Variants in ZDHHC18 observed in about 807,000 individuals in gnomAD.
ZDHHC18 encodes the protein zDHHC palmitoyltransferase 18, also known as palmitoyltransferase ZDHHC18.
A neutral mutation model predicts 37.5 loss-of-function variants in ZDHHC18; 23 were observed. The ratio of observed to expected loss-of-function variants is 0.61; its 90% CI spans 0.44 to 0.87. ZDHHC18 has a LOEUF of 0.87. Ranked by LOEUF, ZDHHC18 falls within the 40% of genes least tolerant of loss-of-function variation. The pLI is 0.00. For synonymous variants in ZDHHC18, 185 were observed against 218.7 expected (o/e 0.85, Z 1.36); for missense variants, 406 against 525.6 (o/e 0.77, Z 2.22).
At position 26,836,965 on chromosome 1, in the gene ZDHHC18, G is replaced by C. The variant is rs1227444629; in HGVS notation, c.496+4358G>C. ...CATATACATTAAATATATATTAAAT[G>C]CAGCTGGGCGCAGTGGCTCATGCCT... On this transcript the variant is annotated intron_variant, in intron 2 of 7. Transcript: ENST00000374142. Among the ~76,000 whole-genome samples, 4 of 146,752 alleles carry C rather than the reference G, an allele frequency of 2.7e-5. No homozygotes were observed. In the Admixed American group the frequency reaches 2.7e-4, roughly 10 times the overall value.
In ZDHHC18 at chr1:26,826,960, CAGCGGCAGCGGCAGCGGG is replaced by C; in HGVS notation, c.162_179del (p.Gly56_Ser61del). On this transcript the variant is annotated inframe_deletion, in exon 1 of 8. Coordinates refer to ENST00000374142, the MANE Select transcript of ZDHHC18 (RefSeq NM_032283.3). The surrounding 1 kb of genome is among the most constrained non-coding windows in gnomAD (Gnocchi z 5.2). ...CCCCGCCGCGCTGGAGCAGCAGCGG[CAGCGGCAGCGGCAGCGGG>C]AGCGGGAGCCTCGGCCGCCGCCCAC... is the stretch of plus-strand genomic sequence containing the variant. The C allele has an allele frequency of 8.3e-7, 1 of 1,206,826 alleles. No individual in the cohort carries two copies. The highest frequency in any genetic ancestry group is 1.0e-6 in the Non-Finnish European group (1 of 971,716). 74.8% of individuals were successfully genotyped at this position (1,206,826 alleles called of 1,614,324 possible).
intron 2 of ZDHHC18, among the ~76,000 whole-genome samples, chr1:26,834,812 T>C (rs760623066): frequency 6.6e-6 from 1 of 152,182 alleles, no homozygotes; most frequent in Non-Finnish European, 1.5e-5. Flanking sequence ...CATGGGTTTG[T>C]TCATTTGTGT....
Position 26,856,695 on chromosome 1 carries a change from T to A in ZDHHC18, c.*2852T>A, listed in dbSNP as rs914517379. ...CCGTTTTCTCTCCTGCTTCATTGCC[T>A]GCTGCCTAAGCCTTGGCCCTTCTCT... On this transcript the variant is annotated 3_prime_UTR_variant, in exon 8 of 8. Coordinates refer to ENST00000374142, the MANE Select transcript of ZDHHC18 (RefSeq NM_032283.3). This position sits in a 1 kb window ranked among gnomAD's most constrained non-coding sequence, Gnocchi z 5.2. 1 of 154,362 alleles carries A rather than the reference T, an allele frequency of 6.5e-6. No homozygotes were observed. The highest frequency in any genetic ancestry group is 1.4e-5 in the Non-Finnish European group (1 of 69,314). The allele number at this position is 154,362 out of a possible 1,614,324, so 9.6% of individuals were successfully genotyped here. A position where few individuals can be genotyped will look rare whatever the true frequency, so the allele number is the denominator to read the frequency against.
At chr1:26,833,482 A>G (rs2081597109) in intron 2 of ZDHHC18, among the ~76,000 whole-genome samples, 1 of 152,090 alleles carries the variant, frequency 6.6e-6, no homozygotes, top group Non-Finnish European at 1.5e-5. Context: ...TGTGGTAGAA[A>G]TACGGGGATC....
intron 2 of ZDHHC18, among the ~76,000 whole-genome samples, chr1:26,843,527 G>T (rs1466821152): frequency 2.7e-5 from 4 of 149,630 alleles, no homozygotes; most frequent in Non-Finnish European, 4.4e-5. Context: ...GGTGGTTCAT[G>T]CCTGTAATAC....
intron 7 of ZDHHC18, 110 bp from the exon 8 acceptor site, chr1:26,853,616 T>C: frequency 2.8e-6 from 3 of 1,057,256 alleles, no homozygotes; most frequent in African/African-American, 1.6e-5. Flanking sequence ...TTCCTCAGCC[T>C]TTCTCAGCCT....
chr1:26,848,553 T>G, intron 2 of ZDHHC18, 55 bp from the exon 3 acceptor site: 1 of 1,580,826 alleles, frequency 6.3e-7, no homozygotes, highest in Non-Finnish European at 8.7e-7. Flanking sequence ...CTGCTGGGGA[T>G]CCGGGCCCTG....
chr1:26,830,411 A>G (rs1477480676), intron 1 of ZDHHC18, among the ~76,000 whole-genome samples: 1 of 152,152 alleles, frequency 6.6e-6, no homozygotes, highest in Non-Finnish European at 1.5e-5. Flanking sequence ...GGTCCCAGTG[A>G]GGATTTGATG....
intron 2 of ZDHHC18, among the ~76,000 whole-genome samples, chr1:26,844,926 GTT>G (rs35017323): frequency 1.6e-4 from 23 of 141,032 alleles, no homozygotes; most frequent in African/African-American, 5.5e-4. Context: ...TTTTTTTTTG[GTT>G]TTTTTTTTTT....
intron 6 of ZDHHC18, 110 bp downstream of exon 6, chr1:26,851,341 A>G: frequency 4.7e-6 from 5 of 1,071,000 alleles, no homozygotes; most frequent in Non-Finnish European, 7.1e-6. Context: ...GACTGCTGGG[A>G]TAATGCCTTT....
At position 26,848,731 on chromosome 1, in the gene ZDHHC18, A is replaced by G. The variant is rs771381159; in HGVS notation, c.620A>G (p.His207Arg). The change falls in exon 3 of 8, where the codon CAC (histidine) becomes CGC (arginine). Residue 207 changes from histidine to arginine, a missense_variant. By Grantham distance (29) the His-to-Arg change is conservative. Transcript: ENST00000374142. ...ATGTTCCGGCCACCCCGAACCTCAC[A>G]CTGCAGTGTCTGCGACAACTGTGTG... The part of the protein sequence containing the change: ...CKMFRPPRTS[H>R]CSVCDNCVER... 1.9e-6 allele frequency: 3 copies of G among 1,613,720 alleles called. No individual in the cohort carries two copies. Among genetic ancestry groups the G allele is most frequent in the South Asian group, 2.2e-5 (2 of 91,090 alleles).
intron 1 of ZDHHC18, among the ~76,000 whole-genome samples, chr1:26,831,826 C>T (rs1275179083): frequency 6.6e-6 from 1 of 152,148 alleles, no homozygotes; most frequent in Non-Finnish European, 1.5e-5. Flanking sequence ...TCTACTCATT[C>T]TTCAGGTTGG....
chr1:26,833,320 G>A (rs1421885191), intron 2 of ZDHHC18, among the ~76,000 whole-genome samples: 1 of 152,170 alleles, frequency 6.6e-6, no homozygotes, highest in Non-Finnish European at 1.5e-5. Flanking sequence ...TTGTGAAGGA[G>A]GTGACATCTG....
intron 1 of ZDHHC18, among the ~76,000 whole-genome samples, chr1:26,828,071 C>T (rs554236767): frequency 3.3e-5 from 5 of 152,264 alleles, no homozygotes; most frequent in Non-Finnish European, 7.3e-5. Context: ...TCATATCCCC[C>T]GGTGACCCAG....
intron 2 of ZDHHC18, among the ~76,000 whole-genome samples, chr1:26,839,902 C>G (rs1039539792): frequency 6.6e-6 from 1 of 152,152 alleles, no homozygotes; most frequent in Admixed American, 6.6e-5. Context: ...TGCTTGTCTT[C>G]CCCCATGAAG....
intron 2 of ZDHHC18, among the ~76,000 whole-genome samples, chr1:26,848,127 C>A (rs560499691): frequency 2.6e-4 from 40 of 152,208 alleles, no homozygotes; most frequent in African/African-American, 8.2e-4. Flanking sequence ...GCCTGGCCAA[C>A]GTGGTGAAAC....
Position 26,850,668 on chromosome 1 carries a change from C to G in ZDHHC18, c.833+62C>G. 6.3e-7 allele frequency: 1 copy of G among 1,578,224 alleles called. No individual in the cohort carries two copies. The highest frequency in any genetic ancestry group is 1.1e-5 in the South Asian group (1 of 89,494). On this transcript the variant is annotated intron_variant, in intron 5 of 7. Coordinates refer to ENST00000374142, the MANE Select transcript of ZDHHC18 (RefSeq NM_032283.3). The surrounding 1 kb of genome is among the most constrained non-coding windows in gnomAD (Gnocchi z 6.1). ...CTGAGGTCCCTTCACTGGGTGGGTG[C>G]CCTGCCTCATCCTCTAATCAGAAGG...
At position 26,853,975 on chromosome 1, in the gene ZDHHC18, G is replaced by T; in HGVS notation, c.*132G>T. On this transcript the variant is annotated 3_prime_UTR_variant, in exon 8 of 8. Transcript: ENST00000374142. ...TCTTTTCATATTTATTTCCCATCCT[G>T]CGTGGCTTTCCCTGAACTGTTCCGT... 1.2e-6 allele frequency: 1 copy of T among 858,592 alleles called. No individual in the cohort carries two copies. The highest frequency in any genetic ancestry group is 2.1e-5 in the Admixed American group (1 of 46,968). The allele number at this position is 858,592 out of a possible 1,614,324, so 53.2% of individuals were successfully genotyped here.
chr1:26,835,179 C>T (rs11247599), intron 2 of ZDHHC18, among the ~76,000 whole-genome samples: 89,207 of 152,076 alleles, frequency 0.59, 28,014 homozygotes, highest in East Asian at 0.97. Context: ...GAGCAGGCCA[C>T]GTTGGCTAGA....
Sources: allele counts gnomAD v4.1 joint callset (sites outside exome capture counted in the v4.1 genomes callset), GRCh38; gene constraint gnomAD v4.1.1; non-coding constraint Gnocchi (gnomAD v3.1); transcripts MANE v1.5; gene names NCBI Gene and HGNC (gene_info 2026-07-23, HGNC 2026-07-21).